AGBL1: variants seen among roughly 807,000 people sequenced by gnomAD.
AGBL1 encodes the protein AGBL carboxypeptidase 1.
AGBL1 carries 130 observed loss-of-function variants against 118.9 expected under a neutral mutation model. The observed-to-expected ratio is 1.09, with a 90% CI of 0.95 to 1.26. The LOEUF is 1.26. AGBL1 is among the 50% of genes most tolerant of loss of function. The pLI is 0.00. For missense variants in AGBL1, 1,584 were observed against 1,298.1 expected, an observed-to-expected ratio of 1.22 and a Z score of -3.38; for synonymous variants, 555 against 478.9, an observed-to-expected ratio of 1.16 and a Z score of -2.08.
chr15:87,017,314 CCATTCTTCCAGATTGGAT>C (rs1380814240), intron 24 of AGBL1, among the ~76,000 whole-genome samples: 2 of 152,132 alleles, frequency 1.3e-5, no homozygotes, highest in Admixed American at 6.6e-5. Context: ...GTCCCTGATA[CCATTCTTCCAGATTGGAT>C]GAGACTTCTC....
In AGBL1 at chr15:86,142,089, G is replaced by A. The variant is rs749407564; in HGVS notation, c.115+22G>A. The A allele has an allele frequency of 4.1e-4, 635 of 1,548,870 alleles. 7 individuals carry two copies. The highest frequency in any genetic ancestry group is 5.9e-5 in the Non-Finnish European group (68 of 1,146,122). ...GTTGGTGAGTAGGCCATGCTCTCAT[G>A]CTTTCATATGGCGGATGTGGAGCCT... is the stretch of plus-strand genomic sequence containing the variant. On this transcript the variant is annotated intron_variant, in intron 2 of 22. Coordinates refer to ENST00000614907, the MANE Select transcript of AGBL1 (RefSeq NM_001386094.1).
chr15:86,713,129 A>T (rs1443435958), intron 22 of AGBL1, among the ~76,000 whole-genome samples: 1 of 152,174 alleles, frequency 6.6e-6, no homozygotes, highest in African/African-American at 2.4e-5. Context: ...ACTACATAGA[A>T]TCTTATTTTT....
chr15:86,290,844 C>T (rs1016451460), intron 16 of AGBL1, among the ~76,000 whole-genome samples: 6 of 151,914 alleles, frequency 3.9e-5, no homozygotes, highest in Non-Finnish European at 7.4e-5. Context: ...TCCCCCTTCC[C>T]CCGACCCCAC....
At chr15:86,921,512 C>T (rs1280451077) in intron 23 of AGBL1, among the ~76,000 whole-genome samples, 2 of 152,208 alleles carry the variant, frequency 1.3e-5, no homozygotes, top group Non-Finnish European at 2.9e-5. Context: ...TACCTTCTTG[C>T]TTATCAGGTT....
intron 18 of AGBL1, among the ~76,000 whole-genome samples, chr15:86,441,499 C>T (rs1003566073): frequency 1.6e-4 from 25 of 152,120 alleles, no homozygotes; most frequent in Non-Finnish European, 3.2e-4. Context: ...TGAGAACCAT[C>T]GAAGACGGTG....
intron 22 of AGBL1, among the ~76,000 whole-genome samples, chr15:86,844,943 T>C (rs1260539493): frequency 2.0e-5 from 3 of 152,122 alleles, no homozygotes; most frequent in Non-Finnish European, 4.4e-5. Context: ...TTTAGTATCA[T>C]TTATTGGTTA....
At chr15:86,841,804 A>G (rs2079249760) in intron 22 of AGBL1, among the ~76,000 whole-genome samples, 1 of 152,148 alleles carries the variant, frequency 6.6e-6, no homozygotes, top group Non-Finnish European at 1.5e-5. Flanking sequence ...CCAAGATGGC[A>G]CCATTGCACT....
At chr15:86,533,332 A>G (rs2083376635) in intron 19 of AGBL1, among the ~76,000 whole-genome samples, 1 of 133,774 alleles carries the variant, frequency 7.5e-6, no homozygotes, top group South Asian at 2.5e-4. Flanking sequence ...AAAAGAAGAC[A>G]TTTATGCAGC....
At chr15:87,016,337 A>G (rs933607175) in intron 24 of AGBL1, among the ~76,000 whole-genome samples, 3 of 152,180 alleles carry the variant, frequency 2.0e-5, no homozygotes, top group African/African-American at 7.2e-5. Flanking sequence ...CAGGCTTAGC[A>G]ATGGACTCAG....
chr15:86,413,918 A>C (rs1467892801), intron 18 of AGBL1, among the ~76,000 whole-genome samples: 1 of 152,148 alleles, frequency 6.6e-6, no homozygotes, highest in African/African-American at 2.4e-5. Flanking sequence ...ATGTGGAATC[A>C]ACCTAACTGT....
At chr15:86,520,387 A>G (rs1159189728) in intron 18 of AGBL1, among the ~76,000 whole-genome samples, 1 of 152,228 alleles carries the variant, frequency 6.6e-6, no homozygotes, top group African/African-American at 2.4e-5. Context: ...TGACTCTCAA[A>G]GAGGTCTCAA....
rs1380775709 is a variant in AGBL1 at position 86,192,963 on chromosome 15, A to C, written c.489-31951A>C. Among the ~76,000 whole-genome samples the C allele has an allele frequency of 2.6e-5, 4 of 152,302 alleles. No homozygotes were observed. In the East Asian group the frequency reaches 7.7e-4, roughly 29 times the overall value. On this transcript the variant is annotated intron_variant, in intron 5 of 22. Coordinates refer to ENST00000614907, the MANE Select transcript of AGBL1 (RefSeq NM_001386094.1). The stretch of plus-strand genomic sequence containing the variant: ...TATTGAAAGCACACATAAGCACCAA[A>C]AAGAGATTTTAATTTTGTACTTAAT...
At position 87,003,306 on chromosome 15, in the gene AGBL1, T is replaced by C. The variant is rs977215402; in HGVS notation, c.3323+15218T>C. Among the ~76,000 whole-genome samples, 21 of 151,904 alleles carry C rather than the reference T, an allele frequency of 1.4e-4. 1 individual carries two copies. Among genetic ancestry groups the C allele is most frequent in the Admixed American group, 1.1e-3 (17 of 15,234 alleles). On this transcript the variant is annotated intron_variant, in intron 24 of 24. Transcript: ENST00000441037. ...TCTTGATTTGCGTATGTTGAACCAG[T>C]CTTGCATCCCAGGGATGAAGCCCAC...
intron 22 of AGBL1, among the ~76,000 whole-genome samples, chr15:86,753,678 G>A (rs907384588): frequency 4.6e-5 from 7 of 152,130 alleles, no homozygotes; most frequent in East Asian, 1.9e-4. Context: ...GAGTACAGGC[G>A]TAAGCCACTG....
chr15:86,895,100 C>CCTTT (rs909544479), intron 22 of AGBL1, among the ~76,000 whole-genome samples: 2 of 151,710 alleles, frequency 1.3e-5, no homozygotes, highest in Non-Finnish European at 2.9e-5. Flanking sequence ...TCCCTCCTTC[C>CCTTT]CTTTCTTTTT....
rs79227557 is a variant in AGBL1 at position 86,850,434 on chromosome 15, C to T, written c.3159-56653C>T. On this transcript the variant is annotated intron_variant, in intron 22 of 22. Coordinates refer to ENST00000614907, the MANE Select transcript of AGBL1 (RefSeq NM_001386094.1). ...ATTTCCTATAGCACCGACTACATGC[C>T]ATTTTATAAACAGATCTTTGCCAAA... Among the ~76,000 whole-genome samples, 5 of 152,326 alleles carry T rather than the reference C, an allele frequency of 3.3e-5. No individual in the cohort carries two copies. In the East Asian group the frequency reaches 9.6e-4, roughly 29 times the overall value.
intron 21 of AGBL1, among the ~76,000 whole-genome samples, chr15:86,664,940 T>C (rs1036533732): frequency 2.6e-5 from 4 of 152,100 alleles, no homozygotes; most frequent in Non-Finnish European, 5.9e-5. Flanking sequence ...ATTAGGTAAT[T>C]TGCGGATTTT....
chr15:86,564,968 G>A (rs144089208), intron 21 of AGBL1, among the ~76,000 whole-genome samples: 12 of 152,214 alleles, frequency 7.9e-5, no homozygotes, highest in Non-Finnish European at 1.5e-4. Context: ...TCGTGCCATG[G>A]TTTTCAGCTC....
At chr15:86,557,882 G>A (rs1221003269) in intron 21 of AGBL1, among the ~76,000 whole-genome samples, 16 of 152,080 alleles carry the variant, frequency 1.1e-4, no homozygotes, top group Non-Finnish European at 1.9e-4. Context: ...CTGTCCTTGG[G>A]TAAGTAGAAA....
Sources: gnomAD v4.1 joint callset for allele counts (sites outside exome capture counted in the v4.1 genomes callset) on GRCh38, gnomAD v4.1.1 for gene constraint, MANE v1.5 for transcripts, NCBI Gene and HGNC (gene_info 2026-07-23, HGNC 2026-07-21) for gene names.